Variants in WDFY4 observed in about 807,000 individuals in gnomAD.
WDFY4 encodes WD repeat- and FYVE domain-containing protein 4.
A neutral mutation model predicts 351.9 loss-of-function variants in WDFY4; 169 were observed. That is an observed-to-expected ratio of 0.48 (90% CI 0.42 to 0.55). The LOEUF (loss-of-function observed/expected upper bound fraction) is 0.55, where lower values mean the gene tolerates loss of function less well. Among genes scored for constraint, WDFY4 ranks in the 20% least tolerant of loss-of-function variants. The pLI is 0.00. For synonymous variants in WDFY4, 1,622 were observed against 1,574.6 expected (o/e 1.03, Z -0.71); for missense variants, 3,803 against 3,935.6 (o/e 0.97, Z 0.90).
chr10:48,892,525 C>G (rs1223359846), intron 44 of WDFY4, among the ~76,000 whole-genome samples: 1 of 152,220 alleles, frequency 6.6e-6, no homozygotes, highest in East Asian at 1.9e-4. Context: ...TCAGTGCTTT[C>G]TCTCCAGGGT....
At chr10:48,966,433 C>T in intron 54 of WDFY4, 93 bp from the exon 55 acceptor site, 2 of 1,378,478 alleles carry the variant, frequency 1.5e-6, no homozygotes, top group Non-Finnish European at 1.9e-6. Flanking sequence ...CTGTGGCAAC[C>T]CCCAGAGACA....
intron 12 of WDFY4, among the ~76,000 whole-genome samples, chr10:48,748,105 A>C (rs543880014): frequency 6.6e-6 from 1 of 152,278 alleles, no homozygotes; most frequent in East Asian, 1.9e-4. Context: ...TTGCCTGGGC[A>C]CCCTGATAAC....
At chr10:48,916,093 G>A (rs1486942007) in intron 47 of WDFY4, among the ~76,000 whole-genome samples, 3 of 152,188 alleles carry the variant, frequency 2.0e-5, no homozygotes, top group Non-Finnish European at 2.9e-5. Context: ...GAAGCACTCT[G>A]GGGACTCTGA....
At chr10:48,772,517 CTTTTTT>C (rs10672319) in intron 13 of WDFY4, among the ~76,000 whole-genome samples, 4 of 70,652 alleles carry the variant, frequency 5.7e-5, no homozygotes, top group Non-Finnish European at 8.1e-5. Context: ...GAGGGCAGTT[CTTTTTT>C]TTTTTTTTTT....
chr10:48,823,933 A>C, intron 35 of WDFY4: 1 of 985,572 alleles, frequency 1.0e-6, no homozygotes, highest in South Asian at 4.7e-5. Flanking sequence ...CCTTCACTTC[A>C]TGAGTAGAAA....
intron 39 of WDFY4, among the ~76,000 whole-genome samples, chr10:48,857,806 T>A (rs1419378519): frequency 6.6e-6 from 1 of 152,178 alleles, no homozygotes; most frequent in Non-Finnish European, 1.5e-5. Context: ...TTTTTTTTCT[T>A]TTTTTGATGG....
chr10:48,874,253 C>T (rs1349192232), intron 41 of WDFY4, among the ~76,000 whole-genome samples: 1 of 152,180 alleles, frequency 6.6e-6, no homozygotes, highest in Admixed American at 6.5e-5. Flanking sequence ...TGGGAGTTTG[C>T]TCTAATGAAG....
chr10:48,943,571 G>A (rs2943250), intron 49 of WDFY4, 122 bp downstream of exon 49: 1,031,236 of 1,044,994 alleles, frequency 0.99, 510,052 homozygotes, highest in East Asian at 1. Context: ...GGGTACCTGG[G>A]CCTAAAGGCT....
chr10:48,757,511 A>G (rs2065372368), intron 12 of WDFY4, among the ~76,000 whole-genome samples: 1 of 152,100 alleles, frequency 6.6e-6, no homozygotes, highest in Non-Finnish European at 1.5e-5. Context: ...ATATCACAAT[A>G]TTTAATGATG....
At chr10:48,827,722 AC>A (rs1165380502) in intron 36 of WDFY4, among the ~76,000 whole-genome samples, 1 of 151,566 alleles carries the variant, frequency 6.6e-6, no homozygotes, top group African/African-American at 2.4e-5. Flanking sequence ...TGAAAAAAAA[AC>A]AATCCCCCAC....
At chr10:48,686,595 G>A (rs754416669) in intron 1 of WDFY4, among the ~76,000 whole-genome samples, 8 of 152,116 alleles carry the variant, frequency 5.3e-5, no homozygotes, top group Admixed American at 2.0e-4. Flanking sequence ...GTTGAACTCT[G>A]TAAACATGGA....
At chr10:48,732,261 C>CCAGGGAGG (rs2064488518) in intron 9 of WDFY4, among the ~76,000 whole-genome samples, 1 of 152,282 alleles carries the variant, frequency 6.6e-6, no homozygotes, top group South Asian at 2.1e-4. Flanking sequence ...CTTTAACTAC[C>CCAGGGAGG]ATCTCCGTTG....
chr10:48,856,277 T>A (rs1031325401), intron 39 of WDFY4, among the ~76,000 whole-genome samples: 1 of 152,130 alleles, frequency 6.6e-6, no homozygotes, highest in Non-Finnish European at 1.5e-5. Context: ...AGCCACTATA[T>A]TTTAATACAA....
At chr10:48,714,837 T>C (rs1029606233) in intron 2 of WDFY4, among the ~76,000 whole-genome samples, 3 of 152,210 alleles carry the variant, frequency 2.0e-5, no homozygotes, top group African/African-American at 4.8e-5. Context: ...AAGGGAAATA[T>C]GTGGATGTGG....
intron 60 of WDFY4, chr10:48,978,628 T>C (rs1842678490): frequency 2.2e-6 from 1 of 463,674 alleles, no homozygotes; most frequent in Non-Finnish European, 3.8e-6. Context: ...CCATAGACAC[T>C]GGCATGTAAC....
At chr10:48,704,387 C>T (rs116955628) in intron 1 of WDFY4, among the ~76,000 whole-genome samples, 5 of 152,242 alleles carry the variant, frequency 3.3e-5, no homozygotes, top group Non-Finnish European at 5.9e-5. Flanking sequence ...TGTGGAGGGC[C>T]AGAATGCCAT....
chr10:48,876,923 C>T (rs1004668987), intron 42 of WDFY4, 110 bp from the exon 43 acceptor site: 17 of 1,129,256 alleles, frequency 1.5e-5, no homozygotes, highest in Non-Finnish European at 1.8e-5. Flanking sequence ...CTCTTCACTT[C>T]GGCCCTGGAG....
Position 48,946,963 on chromosome 10 carries a change from T to C in WDFY4, c.7971T>C (p.Ala2657=), listed in dbSNP as rs1841074983. Residue 2657 remains alanine (A), a synonymous_variant, in exon 51 of 62, where the codon GCT becomes GCC. Coordinates refer to ENST00000325239, the MANE Select transcript of WDFY4 (RefSeq NM_001394531.1). ...RMPPFTQAFC[A]LQGGSFDVAD... ...CACCCTTCACCCAGGCCTTCTGCGC[T>C]CTGCAGGTGAGCTGCTGCCACTCTC... is the stretch of plus-strand genomic sequence containing the variant. 6.5e-7 allele frequency: 1 copy of C among 1,549,390 alleles called. No homozygotes were observed. The highest frequency in any genetic ancestry group is 8.7e-7 in the Non-Finnish European group (1 of 1,146,368).
At chr10:48,823,997 T>G in intron 35 of WDFY4, 1 of 985,486 alleles carries the variant, frequency 1.0e-6, no homozygotes, top group Non-Finnish European at 1.2e-6. Context: ...ATTCATTTTC[T>G]ATCGGACTGA....
Sources: gnomAD v4.1 joint callset for allele counts (sites outside exome capture counted in the v4.1 genomes callset) on GRCh38, gnomAD v4.1.1 for gene constraint, MANE v1.5 for transcripts, NCBI Gene and HGNC (gene_info 2026-07-23, HGNC 2026-07-21) for gene names.